C1orf87: variants seen among roughly 807,000 people sequenced by gnomAD.
C1orf87 encodes uncharacterized protein C1orf87.
A neutral mutation model predicts 60.5 loss-of-function variants in C1orf87; 58 were observed. That is an observed-to-expected ratio of 0.96 (90% CI 0.78 to 1.19). The LOEUF is 1.19. Among genes scored for constraint, C1orf87 ranks in the 50% most tolerant of loss-of-function variants. C1orf87 has a pLI of 0.00. For synonymous variants in C1orf87, 236 were observed against 227.4 expected, an observed-to-expected ratio of 1.04 and a Z score of -0.34; for missense variants, 673 against 638.6, an observed-to-expected ratio of 1.05 and a Z score of -0.58.
intron 10 of C1orf87, 149 bp downstream of exon 10, chr1:60,000,928 C>T: frequency 1.6e-6 from 1 of 640,902 alleles, no homozygotes; most frequent in East Asian, 3.1e-5. Context: ...CTTCTTTGCC[C>T]AAGGAGAGTC....
chr1:60,060,090 C>CTTTTT (rs551034497), intron 2 of C1orf87, among the ~76,000 whole-genome samples: 2 of 142,950 alleles, frequency 1.4e-5, no homozygotes, highest in South Asian at 2.2e-4. Flanking sequence ...GTTTCTTTTT[C>CTTTTT]TTTTTTTTTT....
chr1:60,055,093 C>A, intron 3 of C1orf87, 111 bp downstream of exon 3: 1 of 1,008,568 alleles, frequency 9.9e-7, no homozygotes, highest in South Asian at 1.6e-5. Flanking sequence ...CTATCTCATG[C>A]AAAATATATT....
chr1:60,018,652 GCT>G (rs746164880), intron 8 of C1orf87, among the ~76,000 whole-genome samples: 12 of 152,114 alleles, frequency 7.9e-5, no homozygotes, highest in Non-Finnish European at 1.2e-4. Context: ...TTTCTACTCG[GCT>G]CTTAGCTCAG....
At chr1:60,063,873 T>G (rs1477787313) in intron 2 of C1orf87, among the ~76,000 whole-genome samples, 3 of 152,028 alleles carry the variant, frequency 2.0e-5, no homozygotes, top group African/African-American at 7.2e-5. Context: ...CAGTACTGAG[T>G]GTCAACTCGA....
intron 8 of C1orf87, among the ~76,000 whole-genome samples, chr1:60,021,259 C>A (rs1360878050): frequency 6.6e-6 from 1 of 152,166 alleles, no homozygotes; most frequent in Non-Finnish European, 1.5e-5. Flanking sequence ...CTAATACAGC[C>A]AAGAACTAGG....
intron 8 of C1orf87, among the ~76,000 whole-genome samples, chr1:60,024,080 T>C (rs1490671252): frequency 6.6e-6 from 1 of 152,188 alleles, no homozygotes; most frequent in Non-Finnish European, 1.5e-5. Context: ...CTAATTGTAT[T>C]ATCTGTGTTG....
chr1:60,003,410 A>C (rs984146624), intron 9 of C1orf87, among the ~76,000 whole-genome samples: 1 of 152,058 alleles, frequency 6.6e-6, no homozygotes, highest in Non-Finnish European at 1.5e-5. Flanking sequence ...AGCATGGCTC[A>C]TGTATACATA....
chr1:60,063,980 C>T (rs1645514675), intron 2 of C1orf87, among the ~76,000 whole-genome samples: 1 of 152,040 alleles, frequency 6.6e-6, no homozygotes, highest in African/African-American at 2.4e-5. Flanking sequence ...GAAAGGCAGA[C>T]CCACCCTCAA....
At chr1:60,063,781 G>A (rs565265104) in intron 2 of C1orf87, among the ~76,000 whole-genome samples, 2 of 152,294 alleles carry the variant, frequency 1.3e-5, no homozygotes, top group African/African-American at 4.8e-5. Flanking sequence ...TGGCAGAAAA[G>A]CAGCAGGTAT....
intron 9 of C1orf87, among the ~76,000 whole-genome samples, chr1:60,001,468 G>A (rs1645003958): frequency 6.6e-6 from 1 of 152,018 alleles, no homozygotes; most frequent in Non-Finnish European, 1.5e-5. Flanking sequence ...TGGAGGCCGG[G>A]GTAACAGTGG....
chr1:60,007,801 T>A (rs1372685180), intron 9 of C1orf87, among the ~76,000 whole-genome samples: 1 of 152,064 alleles, frequency 6.6e-6, no homozygotes, highest in East Asian at 1.9e-4. Context: ...AGGATTTTTA[T>A]GATTCTTAAT....
At chr1:60,064,378 C>A (rs1317758109) in intron 2 of C1orf87, among the ~76,000 whole-genome samples, 2 of 129,558 alleles carry the variant, frequency 1.5e-5, no homozygotes, top group Admixed American at 1.7e-4. Flanking sequence ...TATACACACA[C>A]AATATCACAA....
intron 5 of C1orf87, among the ~76,000 whole-genome samples, chr1:60,038,800 A>G (rs1645297141): frequency 6.6e-6 from 1 of 152,190 alleles, no homozygotes; most frequent in Non-Finnish European, 1.5e-5. Context: ...TGCATAGGAA[A>G]GGACTGAAGG....
intron 8 of C1orf87, among the ~76,000 whole-genome samples, chr1:60,024,500 G>A (rs1323458279): frequency 2.0e-5 from 3 of 152,060 alleles, no homozygotes; most frequent in African/African-American, 7.2e-5. Flanking sequence ...ACCTTTCCTG[G>A]CCTTGGGTAG....
At chr1:60,034,788 G>C (rs973453344) in intron 6 of C1orf87, among the ~76,000 whole-genome samples, 1 of 152,042 alleles carries the variant, frequency 6.6e-6, no homozygotes, top group African/African-American at 2.4e-5. Flanking sequence ...ATTTTTTCAA[G>C]TCTGACTTCC....
Position 60,051,803 on chromosome 1 carries a change from T to C in C1orf87, c.342+3401A>G, listed in dbSNP as rs145799432. Reference sequence around the variant, plus strand: ...GGAAAATAAAAGAAAGATAAGGTTTTGAGAGACACGAAGGAGGTAGAATTT... The same window carrying C: ...GGAAAATAAAAGAAAGATAAGGTTTCGAGAGACACGAAGGAGGTAGAATTT... On this transcript the variant is annotated intron_variant, in intron 3 of 11. Transcript: ENST00000371201. Among the ~76,000 whole-genome samples the C allele has an allele frequency of 7.5e-4, 114 of 152,288 alleles. 1 individual carries two copies. The highest frequency in any genetic ancestry group is 1.2e-3 in the Non-Finnish European group (83 of 68,014).
Position 60,000,938 on chromosome 1 carries a change from C to A in C1orf87, c.1272+139G>T, listed in dbSNP as rs1261766841. ...GCCTCCTTCTTTGCCCAAGGAGAGT[C>A]TTGAAGTCAAAGACAGTCTGACATC... On this transcript the variant is annotated intron_variant, in intron 10 of 11. Coordinates refer to ENST00000371201, the MANE Select transcript of C1orf87 (RefSeq NM_152377.3). 34 of 682,624 alleles carry A rather than the reference C, an allele frequency of 5.0e-5. No individual in the cohort carries two copies. The East Asian group carries it at 1.0e-3, about 21-fold the overall frequency. The allele number at this position is 682,624 out of a possible 1,614,324, so 42.3% of individuals were successfully genotyped here.
rs112395108 is a variant in C1orf87, at chr1:60,047,967, T to C, written c.343-6836A>G. Reference sequence around the variant, plus strand: ...TTTAATTTTACTGCCAATTAATATATAGTTAGGTTCATGTGGTCACTCATT... The same window carrying C: ...TTTAATTTTACTGCCAATTAATATACAGTTAGGTTCATGTGGTCACTCATT... On this transcript the variant is annotated intron_variant, in intron 3 of 11. Coordinates refer to ENST00000371201, the MANE Select transcript of C1orf87 (RefSeq NM_152377.3). Among the ~76,000 whole-genome samples the C allele has an allele frequency of 1.9e-4, 29 of 152,290 alleles. 1 individual carries two copies. Among genetic ancestry groups the C allele is most frequent in the South Asian group, 2.1e-4 (1 of 4,826 alleles).
chr1:60,038,204 A>C (rs1026018563), intron 5 of C1orf87, 97 bp from the exon 6 acceptor site: 2 of 568,884 alleles, frequency 3.5e-6, no homozygotes, highest in African/African-American at 4.1e-5. Context: ...TTTTACCATC[A>C]AACATTTAAA....
Sources: gnomAD v4.1 joint callset for allele counts (sites outside exome capture counted in the v4.1 genomes callset) on GRCh38, gnomAD v4.1.1 for gene constraint, MANE v1.5 for transcripts, NCBI Gene and HGNC (gene_info 2026-07-23, HGNC 2026-07-21) for gene names.